Variants in AUTS2 observed in about 807,000 individuals in gnomAD.
AUTS2 encodes the protein activator of transcription and developmental regulator AUTS2, also known as autism susceptibility gene 2 protein.
AUTS2 carries 17 observed loss-of-function variants against 112.4 expected under a neutral mutation model. The ratio of observed to expected loss-of-function variants is 0.15; its 90% confidence interval spans 0.10 to 0.23. The LOEUF (loss-of-function observed/expected upper bound fraction) is 0.23, where lower values mean the gene tolerates loss of function less well. AUTS2 is among the 10% of genes least tolerant of loss of function. The pLI, the probability that AUTS2 is intolerant of heterozygous loss-of-function variation, is 1.00. For synonymous variants in AUTS2, 751 were observed against 702.7 expected (o/e 1.07, Z -1.09); for missense variants, 1,510 against 1,701.6 (o/e 0.89, Z 1.98).
Position 70,790,862 on chromosome 7 carries a change from G to A in AUTS2, c.3646G>A (p.Ala1216Thr). 1 of 1,606,232 alleles carries A rather than the reference G, an allele frequency of 6.2e-7. No individual in the cohort carries two copies. Among genetic ancestry groups the A allele is most frequent in the Non-Finnish European group, 8.5e-7 (1 of 1,176,064 alleles). The change falls in exon 19 of 19, where the codon GCG becomes ACG. Residue 1216 changes from alanine (A) to threonine (T), a missense_variant. By Grantham distance (58) the Ala-to-Thr change is moderately conservative (BLOSUM62 0). This residue lies in a region of AUTS2 where 788 missense variants were observed against 797.6 expected (regional missense o/e 0.99). Transcript: ENST00000342771. This position sits in a 1 kb window ranked among gnomAD's most constrained non-coding sequence, Gnocchi z 7.6. ...CCTCAACAAGACCCCTCCGACAGCA[G>A]CGCTGAGCGCACCTCCCCCGCTCAT... ...GLLNKTPPTA[A>T]LSAPPPLIST... is the part of the protein sequence containing the mutation.
In AUTS2 at chr7:70,519,000, C is replaced by T. The variant is rs1265498530; in HGVS notation, c.690+83219C>T. Among the ~76,000 whole-genome samples, 5 of 152,136 alleles carry T rather than the reference C, an allele frequency of 3.3e-5. No homozygotes were observed. The East Asian group carries it at 7.8e-4, about 24-fold the overall frequency. On this transcript the variant is annotated intron_variant, in intron 5 of 18. Transcript: ENST00000342771. ...ATTACAGGCATGAGCCACCACACCCCGCCAATAATATGTACCTCTTTTCAC... is the reference window on the plus strand; with the variant it reads ...ATTACAGGCATGAGCCACCACACCCTGCCAATAATATGTACCTCTTTTCAC...
At chr7:69,618,203 T>G (rs556910788) in intron 1 of AUTS2, among the ~76,000 whole-genome samples, 29 of 152,166 alleles carry the variant, frequency 1.9e-4, no homozygotes, top group African/African-American at 7.0e-4. Flanking sequence ...GGGATGAGCT[T>G]GTCTCTAGAT....
At position 70,445,309 on chromosome 7, in the gene AUTS2, G is replaced by A. The variant is rs117436375; in HGVS notation, c.690+9528G>A. Among the ~76,000 whole-genome samples the A allele has an allele frequency of 9.4e-3, 1,427 of 152,192 alleles. 16 individuals are homozygous for A. Among genetic ancestry groups the A allele is most frequent in the Non-Finnish European group, 0.016 (1,096 of 68,012 alleles). ...CCCATGCCGTGCTGCTTCCCCGTAC[G>A]TCAGTGTGAGTTGGGATAAGCCTAG... is the stretch of plus-strand genomic sequence containing the variant. On this transcript the variant is annotated intron_variant, in intron 5 of 18. Transcript: ENST00000342771.
chr7:70,041,445 G>A (rs1350648429), intron 2 of AUTS2, among the ~76,000 whole-genome samples: 1 of 152,098 alleles, frequency 6.6e-6, no homozygotes, highest in Non-Finnish European at 1.5e-5. Context: ...CTGTACTAAT[G>A]ATAAGAATGA....
At chr7:70,428,654 G>A (rs114338518) in intron 4 of AUTS2, among the ~76,000 whole-genome samples, 1 of 152,290 alleles carries the variant, frequency 6.6e-6, no homozygotes, top group African/African-American at 2.4e-5. Flanking sequence ...GTTCAGCAGT[G>A]GTATTCAGCC....
chr7:69,855,204 C>T (rs7780835), intron 1 of AUTS2, among the ~76,000 whole-genome samples: 11,564 of 152,230 alleles, frequency 0.076, 595 homozygotes, highest in African/African-American at 0.14. Context: ...AATGAAGATT[C>T]TAGAAGCAGA....
At chr7:69,625,099 G>C (rs1179061023) in intron 1 of AUTS2, among the ~76,000 whole-genome samples, 1 of 152,186 alleles carries the variant, frequency 6.6e-6, no homozygotes, top group Non-Finnish European at 1.5e-5. Flanking sequence ...TGGATAATAG[G>C]AGAGCCCGAA....
intron 6 of AUTS2, among the ~76,000 whole-genome samples, chr7:70,729,745 T>C (rs1250992336): frequency 6.6e-6 from 1 of 152,184 alleles, no homozygotes; most frequent in Non-Finnish European, 1.5e-5. Context: ...CTCTTTCAGA[T>C]GTTAGGATAA....
At chr7:69,672,606 C>G (rs569897950) in intron 1 of AUTS2, among the ~76,000 whole-genome samples, 1 of 152,126 alleles carries the variant, frequency 6.6e-6, no homozygotes, top group Admixed American at 6.5e-5. Flanking sequence ...TAGAACATGT[C>G]GAGGAGAGGA....
chr7:69,897,989 G>C (rs967038565), intron 1 of AUTS2, among the ~76,000 whole-genome samples: 5 of 152,002 alleles, frequency 3.3e-5, no homozygotes, highest in African/African-American at 9.7e-5. Context: ...TTTTGGTTTT[G>C]TTTTATTTTT....
At chr7:70,313,808 T>A (rs1789868324) in intron 4 of AUTS2, among the ~76,000 whole-genome samples, 1 of 152,198 alleles carries the variant, frequency 6.6e-6, no homozygotes. Flanking sequence ...AACCAGGGCA[T>A]GGCATGGAAT....
chr7:70,321,311 A>G (rs1275253296), intron 4 of AUTS2, among the ~76,000 whole-genome samples: 1 of 152,186 alleles, frequency 6.6e-6, no homozygotes, highest in African/African-American at 2.4e-5. Flanking sequence ...AAACATCCCA[A>G]TGCCAAAATT....
intron 2 of AUTS2, among the ~76,000 whole-genome samples, chr7:69,995,954 G>C (rs1326696097): frequency 6.6e-6 from 1 of 152,152 alleles, no homozygotes; most frequent in Non-Finnish European, 1.5e-5. Context: ...CCAGTAATGC[G>C]AGTCGGCAGC....
At chr7:69,905,408 T>C (rs1385230753) in intron 2 of AUTS2, among the ~76,000 whole-genome samples, 5 of 151,760 alleles carry the variant, frequency 3.3e-5, no homozygotes, top group Non-Finnish European at 5.9e-5. Flanking sequence ...GGCTGAGAGG[T>C]CCCATAACAA....
At chr7:70,700,482 A>G (rs904610715) in intron 6 of AUTS2, among the ~76,000 whole-genome samples, 7 of 152,164 alleles carry the variant, frequency 4.6e-5, no homozygotes, top group Non-Finnish European at 8.8e-5. Context: ...TTAATGCCTT[A>G]TGCTAATTCC....
At position 69,764,376 on chromosome 7, in the gene AUTS2, GT is replaced by G. The variant is rs374129095; in HGVS notation, c.310-134897del. On this transcript the variant is annotated intron_variant, in intron 1 of 18. Transcript: ENST00000342771. ...TGCCTGCCTGCTTTTGTTCTAGAGA[GT>G]TTTTTTTTTTTTCTTTTTCCTTTAA... Among the ~76,000 whole-genome samples, 828 of 145,564 alleles carry G rather than the reference GT, an allele frequency of 5.7e-3. 16 individuals carry two copies. Among genetic ancestry groups the G allele is most frequent in the African/African-American group, 8.2e-3 (329 of 39,896 alleles).
At chr7:69,885,201 T>G (rs1431445041) in intron 1 of AUTS2, among the ~76,000 whole-genome samples, 1 of 152,220 alleles carries the variant, frequency 6.6e-6, no homozygotes, top group Non-Finnish European at 1.5e-5. Flanking sequence ...CGAGTATTTA[T>G]AGCTTTCATC....
intron 1 of AUTS2, among the ~76,000 whole-genome samples, chr7:69,639,470 G>T (rs1794704675): frequency 6.6e-6 from 1 of 152,216 alleles, no homozygotes; most frequent in Non-Finnish European, 1.5e-5. Context: ...GATGGGGAAA[G>T]AATTAGCCAC....
At chr7:70,146,104 GACTA>G (rs1255758191) in intron 4 of AUTS2, among the ~76,000 whole-genome samples, 1 of 152,074 alleles carries the variant, frequency 6.6e-6, no homozygotes. Context: ...AGATTTTTGT[GACTA>G]ACAGCCTCTC....
Sources: allele counts gnomAD v4.1 joint callset (sites outside exome capture counted in the v4.1 genomes callset), GRCh38; gene constraint gnomAD v4.1.1; regional missense constraint gnomAD v4.1.1; non-coding constraint Gnocchi (gnomAD v3.1); transcripts MANE v1.5; gene names NCBI Gene and HGNC (gene_info 2026-07-23, HGNC 2026-07-21).